MLIP: variants seen among roughly 807,000 people sequenced by gnomAD.
The protein encoded by MLIP is muscular LMNA-interacting protein.
MLIP carries 79 observed loss-of-function variants against 84.8 expected under a neutral mutation model. That is an observed-to-expected ratio of 0.93 (90% CI 0.78 to 1.12). MLIP has a LOEUF of 1.12. Among genes scored for constraint, MLIP ranks in the 50% most tolerant of loss-of-function variants. The pLI, the probability that MLIP is intolerant of heterozygous loss-of-function variation, is 0.00. For missense variants in MLIP, 1,257 were observed against 1,160.6 expected (o/e 1.08, Z -1.21); for synonymous variants, 504 against 463.0 (o/e 1.09, Z -1.14).
chr6:54,202,133 C>T lies in MLIP; in HGVS notation c.2618C>T (p.Pro873Leu). 1 of 1,600,046 alleles carries T rather than the reference C, an allele frequency of 6.2e-7. No homozygotes were observed. The highest frequency in any genetic ancestry group is 2.3e-5 in the East Asian group (1 of 44,436). Residue 873 changes from proline (P) to leucine (L), a missense_variant, in exon 11 of 14, where the codon CCT becomes CTT. Coordinates refer to ENST00000502396, the MANE Select transcript of MLIP (RefSeq NM_001281747.2). ...LTKPGVIRPV[P>L]VKSRILLKKE... ...AAGCCTGGAGTAATTCGCCCAGTAC[C>T]TGTAAAATCCAGAATATTACTGAAA...
chr6:54,125,957 T>C (rs1403798913), intron 3 of MLIP, among the ~76,000 whole-genome samples: 1 of 151,730 alleles, frequency 6.6e-6, no homozygotes, highest in African/African-American at 2.4e-5. Flanking sequence ...AAGCATCTAG[T>C]ATCTTGTATT....
chr6:54,077,569 C>T (rs910208189), intron 1 of MLIP, among the ~76,000 whole-genome samples: 2 of 152,078 alleles, frequency 1.3e-5, no homozygotes, highest in Non-Finnish European at 2.9e-5. Flanking sequence ...GAAAAACATA[C>T]CAAACTCACT....
intron 9 of MLIP, among the ~76,000 whole-genome samples, chr6:54,183,166 C>T (rs1295176023): frequency 3.3e-5 from 5 of 152,140 alleles, no homozygotes; most frequent in Non-Finnish European, 7.4e-5. Context: ...TGCTTGGAAA[C>T]GTTGCTATGC....
chr6:54,240,869 G>T (rs1202584452), intron 12 of MLIP, among the ~76,000 whole-genome samples: 1 of 152,088 alleles, frequency 6.6e-6, no homozygotes. Flanking sequence ...CCAGCTACTC[G>T]AGAGGCTGAG....
At chr6:54,036,586 A>G (rs1431608639) in intron 1 of MLIP, among the ~76,000 whole-genome samples, 1 of 152,042 alleles carries the variant, frequency 6.6e-6, no homozygotes, top group Non-Finnish European at 1.5e-5. Context: ...AAGACCAACG[A>G]TAAGTGTTGT....
chr6:54,226,460 C>T (rs1780577669), intron 11 of MLIP, among the ~76,000 whole-genome samples: 2 of 152,110 alleles, frequency 1.3e-5, no homozygotes, highest in African/African-American at 4.8e-5. Flanking sequence ...ACTGGGTTAC[C>T]CTGTACAGTG....
rs905803738 is a variant in MLIP, at chr6:54,148,976, C to T, written c.2218-80C>T. The T allele has an allele frequency of 5.1e-6, 6 of 1,172,638 alleles. No homozygotes were observed. In the African/African-American group the frequency reaches 7.7e-5, roughly 15 times the overall value. 72.6% of individuals were successfully genotyped at this position (1,172,638 alleles called of 1,614,324 possible). On this transcript the variant is annotated intron_variant, in intron 4 of 13. Transcript: ENST00000502396. The stretch of plus-strand genomic sequence containing the variant: ...CTTCATTTGATAACGTATCATTTAA[C>T]TTGGTAGAACTGTCTGAAAATTATG...
At chr6:54,067,955 G>T (rs1256442416) in intron 1 of MLIP, among the ~76,000 whole-genome samples, 2 of 99,140 alleles carry the variant, frequency 2.0e-5, no homozygotes, top group African/African-American at 5.1e-5. Flanking sequence ...TGAAGCTGGG[G>T]TTTATACTGG....
chr6:54,124,962 C>T, intron 3 of MLIP, 97 bp downstream of exon 3: 2 of 1,012,680 alleles, frequency 2.0e-6, no homozygotes, highest in Admixed American at 3.3e-5. Context: ...TTAAGGCAGA[C>T]AAAACTTTCA....
chr6:54,141,298 G>C (rs1315357019), intron 4 of MLIP, among the ~76,000 whole-genome samples: 1 of 145,874 alleles, frequency 6.9e-6, no homozygotes, highest in Non-Finnish European at 1.5e-5. Flanking sequence ...GCATCTGAAT[G>C]CTGCTCAGCC....
intron 1 of MLIP, chr6:54,079,833 TC>T (rs748183485): frequency 2.6e-5 from 4 of 152,406 alleles, no homozygotes; most frequent in South Asian, 4.1e-4. Flanking sequence ...CCTGTATTTG[TC>T]CTGCCTCCTC....
chr6:54,212,175 G>C (rs77967712), intron 11 of MLIP, among the ~76,000 whole-genome samples: 2 of 151,968 alleles, frequency 1.3e-5, no homozygotes, highest in East Asian at 1.9e-4. Flanking sequence ...TAATTATTAG[G>C]TTCCAAGACA....
At chr6:54,093,348 C>CTATTG (rs1767986974) in intron 1 of MLIP, among the ~76,000 whole-genome samples, 1 of 149,980 alleles carries the variant, frequency 6.7e-6, no homozygotes, top group Non-Finnish European at 1.5e-5. Flanking sequence ...CTATTCTATT[C>CTATTG]TATTCTATTC....
chr6:54,068,042 T>TCCTTCCTTCCTTCCTC, intron 1 of MLIP, among the ~76,000 whole-genome samples: 1 of 49,214 alleles, frequency 2.0e-5, no homozygotes, highest in African/African-American at 4.4e-5. Flanking sequence ...CTTTTTTCTT[T>TCCTTCCTTCCTTCCTC]CCTTCCTTCC....
rs78982293 is a variant in MLIP at position 54,080,950 on chromosome 6, C to T, written c.64-40497C>T. Reference sequence around the variant, plus strand: ...ATTCTCCTCTTTCATGTCCCCTTCCCCTCACCATCCTCACCCTGACCTCAC... The same window carrying T: ...ATTCTCCTCTTTCATGTCCCCTTCCTCTCACCATCCTCACCCTGACCTCAC... On this transcript the variant is annotated intron_variant, in intron 1 of 12. Coordinates refer to the MLIP transcript ENST00000274897. Among the ~76,000 whole-genome samples, 97 of 152,018 alleles carry T rather than the reference C, an allele frequency of 6.4e-4. No individual in the cohort carries two copies. The East Asian group carries it at 7.1e-3, about 11-fold the overall frequency.
At chr6:54,059,727 G>T (rs945393832) in intron 1 of MLIP, among the ~76,000 whole-genome samples, 2 of 152,056 alleles carry the variant, frequency 1.3e-5, no homozygotes, top group Non-Finnish European at 2.9e-5. Flanking sequence ...TATATCTAAA[G>T]GTTAGAATTT....
At chr6:54,057,609 A>AT (rs1765735506) in intron 1 of MLIP, among the ~76,000 whole-genome samples, 1 of 152,216 alleles carries the variant, frequency 6.6e-6, no homozygotes, top group Non-Finnish European at 1.5e-5. Flanking sequence ...TGCAACATCC[A>AT]TGACAAATAC....
At chr6:54,020,099 G>A (rs1277699790) in intron 1 of MLIP, among the ~76,000 whole-genome samples, 1 of 152,196 alleles carries the variant, frequency 6.6e-6, no homozygotes, top group African/African-American at 2.4e-5. Context: ...GAAAGGCCAT[G>A]TGTCCTTGTA....
intron 1 of MLIP, among the ~76,000 whole-genome samples, chr6:54,032,813 C>T (rs887111745): frequency 1.3e-5 from 2 of 152,158 alleles, no homozygotes; most frequent in African/African-American, 4.8e-5. Context: ...CTTGGCCTCC[C>T]AAAGAGGGAT....
Sources: gnomAD v4.1 joint callset for allele counts (sites outside exome capture counted in the v4.1 genomes callset) on GRCh38, gnomAD v4.1.1 for gene constraint, MANE v1.5 for transcripts, NCBI Gene and HGNC (gene_info 2026-07-23, HGNC 2026-07-21) for gene names.